Variants in BCAR3 observed in about 807,000 individuals in gnomAD.
BCAR3 encodes BCAR3 adaptor protein, NSP family member, also known as breast cancer anti-estrogen resistance protein 3.
In BCAR3, 37 loss-of-function variants were observed where a neutral mutation model predicts 80.1. That is an observed-to-expected ratio of 0.46 (90% CI 0.36 to 0.61). The LOEUF is 0.61. BCAR3 is among the 20% of genes least tolerant of loss of function. BCAR3 has a pLI of 0.00. For missense variants in BCAR3, 978 were observed against 1,068.2 expected, an observed-to-expected ratio of 0.92 and a Z score of 1.18; for synonymous variants, 389 against 418.9, an observed-to-expected ratio of 0.93 and a Z score of 0.87.
intron 2 of BCAR3, among the ~76,000 whole-genome samples, chr1:93,665,064 T>A (rs1647838332): frequency 6.6e-6 from 1 of 152,168 alleles, no homozygotes; most frequent in South Asian, 2.1e-4. Context: ...GGCTTCTGCC[T>A]ACCAGATAAA....
At chr1:93,683,831 C>A (rs934329484), upstream of BCAR3, among the ~76,000 whole-genome samples, 7 of 152,154 alleles carry the variant, frequency 4.6e-5, no homozygotes, top group Non-Finnish European at 1.5e-5. Flanking sequence ...TGATAATATT[C>A]TATTTATTAA....
chr1:93,566,108 T>A (rs183656499), intron 11 of BCAR3, among the ~76,000 whole-genome samples: 1 of 152,178 alleles, frequency 6.6e-6, no homozygotes, highest in Non-Finnish European at 1.5e-5. Flanking sequence ...CACGGTCTTA[T>A]GTGGAAGGGC....
intron 2 of BCAR3, among the ~76,000 whole-genome samples, chr1:93,645,087 C>T (rs1324820937): frequency 1.3e-5 from 2 of 152,142 alleles, no homozygotes; most frequent in Admixed American, 6.5e-5. Context: ...TTGCTCCTCC[C>T]AGCCAAAAAG....
intron 2 of BCAR3, among the ~76,000 whole-genome samples, chr1:93,731,687 T>TA (rs1650797427): frequency 7.7e-6 from 1 of 129,228 alleles, no homozygotes; most frequent in Admixed American, 8.0e-5. Context: ...TAAAATAAAA[T>TA]AAAATATTTC....
In BCAR3 at chr1:93,674,889, C is replaced by T. The variant is rs908110327; in HGVS notation, c.42G>A (p.Pro14=). 2.1e-5 allele frequency: 33 copies of T among 1,568,998 alleles called. No homozygotes were observed. Among genetic ancestry groups the T allele is most frequent in the East Asian group, 1.2e-4 (5 of 42,624 alleles). ...AGGCCAGGGGGAACTGGTGATTCAC[C>T]GGCATGTTTCTGGGAAGGCTTGCAA... ...GKFASLPRNM[P]VNHQFPLASS... is the part of the protein sequence containing the mutation. The change falls in exon 2 of 12, where the codon CCG becomes CCA. Residue 14 remains proline, a synonymous_variant. Transcript: ENST00000260502.
intron 3 of BCAR3, among the ~76,000 whole-genome samples, chr1:93,635,591 T>C (rs1675756891): frequency 6.6e-6 from 1 of 152,074 alleles, no homozygotes; most frequent in Non-Finnish European, 1.5e-5. Context: ...GTGGAAGAAG[T>C]TGGATGGGAG....
At chr1:93,819,428 C>T (rs1276292607) in intron 2 of BCAR3, among the ~76,000 whole-genome samples, 1 of 152,224 alleles carries the variant, frequency 6.6e-6, no homozygotes, top group Admixed American at 6.5e-5. Flanking sequence ...TCCCTGGCCA[C>T]TCCTCCCACT....
intron 2 of BCAR3, among the ~76,000 whole-genome samples, chr1:93,818,755 CAT>C (rs766469420): frequency 6.6e-6 from 1 of 152,108 alleles, no homozygotes; most frequent in Non-Finnish European, 1.5e-5. Context: ...ATGAAGTAAA[CAT>C]AGTGTGTCAG....
chr1:93,606,472 A>C (rs1674775271), intron 3 of BCAR3, among the ~76,000 whole-genome samples: 1 of 152,226 alleles, frequency 6.6e-6, no homozygotes, highest in African/African-American at 2.4e-5. Flanking sequence ...TACATGTGGA[A>C]AATGAATAGG....
intron 8 of BCAR3, among the ~76,000 whole-genome samples, chr1:93,573,878 C>T (rs1673335789): frequency 6.6e-6 from 1 of 152,166 alleles, no homozygotes; most frequent in African/African-American, 2.4e-5. Flanking sequence ...ATCCACCTGC[C>T]TTGGCCTCCC....
intron 7 of BCAR3, among the ~76,000 whole-genome samples, chr1:93,577,393 A>T (rs928895954): frequency 6.6e-6 from 1 of 152,184 alleles, no homozygotes; most frequent in Non-Finnish European, 1.5e-5. Flanking sequence ...TGGCTGAACT[A>T]CTGTCAACCC....
chr1:93,627,940 T>C (rs1268396561), intron 3 of BCAR3, among the ~76,000 whole-genome samples: 1 of 152,212 alleles, frequency 6.6e-6, no homozygotes, highest in African/African-American at 2.4e-5. Context: ...AGGGGTGTTT[T>C]TATTTTTATA....
chr1:93,767,096 T>A (rs1425465159), intron 2 of BCAR3, among the ~76,000 whole-genome samples: 2 of 152,220 alleles, frequency 1.3e-5, no homozygotes, highest in Non-Finnish European at 2.9e-5. Flanking sequence ...GTTGACTGAT[T>A]TTTGAATCTG....
At chr1:93,815,843 C>T (rs1172315088) in intron 2 of BCAR3, among the ~76,000 whole-genome samples, 1 of 152,186 alleles carries the variant, frequency 6.6e-6, no homozygotes, top group Non-Finnish European at 1.5e-5. Context: ...GTAGCAACCA[C>T]ACTTATCTCA....
chr1:93,813,797 A>G (rs1465785420), intron 2 of BCAR3, among the ~76,000 whole-genome samples: 1 of 152,246 alleles, frequency 6.6e-6, no homozygotes, highest in Non-Finnish European at 1.5e-5. Flanking sequence ...TGTCCCAATA[A>G]TGTCCTTTAC....
At chr1:93,782,283 T>C (rs7548162) in intron 2 of BCAR3, among the ~76,000 whole-genome samples, 20,519 of 152,192 alleles carry the variant, frequency 0.13, 2,167 homozygotes, top group African/African-American at 0.28. Flanking sequence ...CTGTGAGCAG[T>C]AATGTTCCTG....
chr1:93,623,561 C>T (rs1268990262), intron 3 of BCAR3, among the ~76,000 whole-genome samples: 1 of 152,106 alleles, frequency 6.6e-6, no homozygotes, highest in East Asian at 1.9e-4. Context: ...ACAGCCAGGC[C>T]CTCACTGCAT....
Position 93,582,831 on chromosome 1 carries a change from C to T in BCAR3, c.1156G>A (p.Ala386Thr), listed in dbSNP as rs780475040. 5.6e-6 allele frequency: 9 copies of T among 1,613,434 alleles called. No homozygotes were observed. The highest frequency in any genetic ancestry group is 4.5e-5 in the East Asian group (2 of 44,846). Residue 386 changes from alanine to threonine, a missense_variant, in exon 7 of 12, where the codon GCC (alanine) becomes ACC (threonine). Transcript: ENST00000260502. Reference protein sequence around the residue: ...PAVVRRVSSDARAGEALRGSD... With the variant: ...PAVVRRVSSDTRAGEALRGSD... The stretch of plus-strand genomic sequence containing the variant: ...CCCCTCAGCGCCTCCCCAGCCCTGG[C>T]GTCTGAGGAGACCCTCCGAACCACT...
intron 3 of BCAR3, among the ~76,000 whole-genome samples, chr1:93,617,516 T>A (rs1230647829): frequency 6.6e-6 from 1 of 152,188 alleles, no homozygotes; most frequent in African/African-American, 2.4e-5. Context: ...CTTCAAGGCC[T>A]GGCTTGTTCC....
Sources: gnomAD v4.1 joint callset for allele counts (sites outside exome capture counted in the v4.1 genomes callset) on GRCh38, gnomAD v4.1.1 for gene constraint, MANE v1.5 for transcripts, NCBI Gene and HGNC (gene_info 2026-07-23, HGNC 2026-07-21) for gene names.